MYH10: variants seen among roughly 807,000 people sequenced by gnomAD.
The protein encoded by MYH10 is myosin heavy chain 10, also known as myosin-10.
MYH10 carries 55 observed loss-of-function variants against 257.8 expected under a neutral mutation model. The ratio of observed to expected loss-of-function variants is 0.21; its 90% CI spans 0.17 to 0.27. The LOEUF (loss-of-function observed/expected upper bound fraction) is 0.27, where lower values mean the gene tolerates loss of function less well. MYH10 is among the 10% of genes least tolerant of loss of function. The pLI is 1.00. For synonymous variants in MYH10, 854 were observed against 921.7 expected (o/e 0.93, Z 1.33); for missense variants, 1,631 against 2,500.6 (o/e 0.65, Z 7.42).
rs758714194 is a variant in MYH10 at position 8,520,864 on chromosome 17, A to C, written c.2273+14T>G. On this transcript the variant is annotated intron_variant, in intron 19 of 42. Coordinates refer to ENST00000360416, the MANE Select transcript of MYH10 (RefSeq NM_001256012.3). ...CTCTGATACATAAGCAAAAAAAGTA[A>C]AAGTTAGCAATACCTCTGTCTGAAT... 3.8e-6 allele frequency: 6 copies of C among 1,586,544 alleles called. No homozygotes were observed. In the African/African-American group the frequency reaches 8.2e-5, roughly 22 times the overall value.
Position 8,521,222 on chromosome 17 carries a change from T to A in MYH10, c.2021A>T (p.Tyr674Phe). The change falls in exon 18 of 43, where the codon TAT (tyrosine) becomes TTT (phenylalanine). Residue 674 changes from tyrosine (Y) to phenylalanine (F), a missense_variant. Transcript: ENST00000360416. ...ACGAAACATGCCCTTCTTGGTTTTA[T>A]ATGCGGAGCCAAAAGCTGTCTCAGT... ...GMTETAFGSA[Y>F]KTKKGMFRTV... The A allele has an allele frequency of 6.2e-7, 1 of 1,614,250 alleles. No homozygotes were observed. The highest frequency in any genetic ancestry group is 8.5e-7 in the Non-Finnish European group (1 of 1,180,044).
intron 21 of MYH10, among the ~76,000 whole-genome samples, chr17:8,518,428 C>G (rs1481467914): frequency 2.6e-5 from 4 of 152,142 alleles, no homozygotes; most frequent in Admixed American, 1.3e-4. Context: ...GCCACCACGC[C>G]CAGCCTCCTT....
At chr17:8,507,322 C>T (rs1031015047) in intron 26 of MYH10, among the ~76,000 whole-genome samples, 6 of 152,220 alleles carry the variant, frequency 3.9e-5, no homozygotes, top group Admixed American at 6.5e-5. Flanking sequence ...CTATCATAAA[C>T]GCACACATTA....
At position 8,506,191 on chromosome 17, in the gene MYH10, G is replaced by A; in HGVS notation, c.3386+127C>T. 4 of 954,818 alleles carry A rather than the reference G, an allele frequency of 4.2e-6. No individual in the cohort carries two copies. Among genetic ancestry groups the A allele is most frequent in the East Asian group, 5.6e-5 (2 of 35,542 alleles). The allele number at this position is 954,818 out of a possible 1,614,324, so 59.1% of individuals were successfully genotyped here. A position where few individuals can be genotyped will look rare whatever the true frequency, so the allele number is the denominator to read the frequency against. On this transcript the variant is annotated intron_variant, in intron 27 of 42. Coordinates refer to ENST00000360416, the MANE Select transcript of MYH10 (RefSeq NM_001256012.3). The surrounding 1 kb of genome is among the most constrained non-coding windows in gnomAD (Gnocchi z 5.0). ...ACGCCTGGGCTTTTCACTTTCTCAG[G>A]TCACACCAAACAGCAAGCAAACCCC...
intron 33 of MYH10, 107 bp from the exon 34 acceptor site, chr17:8,492,616 G>A (rs1915949123): frequency 7.9e-7 from 1 of 1,260,770 alleles, no homozygotes; most frequent in South Asian, 1.6e-5. Context: ...CTAGATTATG[G>A]TGTTCTTGTA....
chr17:8,515,340 G>A (rs556499431), intron 21 of MYH10, among the ~76,000 whole-genome samples: 42 of 152,222 alleles, frequency 2.8e-4, no homozygotes, highest in African/African-American at 9.9e-4. Flanking sequence ...AAGACAGACA[G>A]TTGCTGTTTT....
intron 4 of MYH10, among the ~76,000 whole-genome samples, chr17:8,583,675 A>C (rs2083792559): frequency 6.6e-6 from 1 of 152,224 alleles, no homozygotes; most frequent in South Asian, 2.1e-4. Flanking sequence ...TAGCTGCCTT[A>C]AAACTTTTAA....
intron 4 of MYH10, 85 bp from the exon 5 acceptor site, chr17:8,577,423 T>C (rs534912281): frequency 9.6e-5 from 66 of 688,322 alleles, no homozygotes; most frequent in South Asian, 4.3e-4. Context: ...TTAAATTGTA[T>C]TGGAACAATA....
Position 8,475,756 on chromosome 17 carries a change from G to A in MYH10, c.*48C>T, listed in dbSNP as rs375931012. On this transcript the variant is annotated 3_prime_UTR_variant, in exon 43 of 43. Transcript: ENST00000360416. ...CCGAAATCTGCAGGAGGCCCCGGGT[G>A]CATTCCTAACTGTCCCACTGTATTG... The A allele has an allele frequency of 5.7e-6, 9 of 1,583,882 alleles. No individual in the cohort carries two copies. The highest frequency in any genetic ancestry group is 1.7e-4 in the Middle Eastern group (1 of 5,948).
intron 3 of MYH10, among the ~76,000 whole-genome samples, chr17:8,598,063 G>A (rs532523136): frequency 6.6e-6 from 1 of 152,016 alleles, no homozygotes; most frequent in South Asian, 2.1e-4. Flanking sequence ...CTCACTGCAA[G>A]CTCTGCCTCC....
intron 2 of MYH10, among the ~76,000 whole-genome samples, chr17:8,605,773 G>T (rs2084775712): frequency 6.6e-6 from 1 of 151,272 alleles, no homozygotes; most frequent in Non-Finnish European, 1.5e-5. Flanking sequence ...ACAAACAAAA[G>T]AAAAACCACT....
At chr17:8,540,008 G>A (rs1294913856) in intron 14 of MYH10, among the ~76,000 whole-genome samples, 1 of 151,944 alleles carries the variant, frequency 6.6e-6, no homozygotes, top group African/African-American at 2.4e-5. Flanking sequence ...TTTTTGTTTG[G>A]AAACAGGGTC....
At chr17:8,478,201 G>C (rs796546556) in intron 41 of MYH10, 137 bp downstream of exon 41, 13 of 733,982 alleles carry the variant, frequency 1.8e-5, no homozygotes, top group Non-Finnish European at 2.5e-5. Flanking sequence ...TGCCCACCAG[G>C]AACATGGAAC....
In MYH10 at chr17:8,477,160, C is replaced by T. The variant is rs201660007; in HGVS notation, c.5707-112G>A. 34 of 1,238,446 alleles carry T rather than the reference C, an allele frequency of 2.7e-5. No homozygotes were observed. In the Admixed American group the frequency reaches 2.8e-4, roughly 10 times the overall value. 76.7% of individuals were successfully genotyped at this position (1,238,446 alleles called of 1,614,324 possible). A position where few individuals can be genotyped will look rare whatever the true frequency, so the allele number is the denominator to read the frequency against. ...TCTGCCTGTTACCCTTGTGAGCACG[C>T]GTGTACACGGATGTACACGCGTGCC... On this transcript the variant is annotated intron_variant, in intron 41 of 42. Transcript: ENST00000360416. The surrounding 1 kb of genome is among the most constrained non-coding windows in gnomAD (Gnocchi z 4.2).
At chr17:8,486,517 A>C (rs1914803959) in intron 36 of MYH10, among the ~76,000 whole-genome samples, 1 of 147,634 alleles carries the variant, frequency 6.8e-6, no homozygotes, top group African/African-American at 2.5e-5. Context: ...GAAAAAAAAC[A>C]AAAAAAAAAT....
Position 8,490,622 on chromosome 17 carries a change from G to C in MYH10, c.4672-70C>G. On this transcript the variant is annotated intron_variant, in intron 34 of 42. Coordinates refer to ENST00000360416, the MANE Select transcript of MYH10 (RefSeq NM_001256012.3). The surrounding 1 kb of genome is among the most constrained non-coding windows in gnomAD (Gnocchi z 4.1). ...ACATATGAAGAACAGCAGTCTTACT[G>C]TTTTACAGGCCCACTCGTGGCATGC... is the stretch of plus-strand genomic sequence containing the variant. 6.6e-7 allele frequency: 1 copy of C among 1,506,252 alleles called. No homozygotes were observed. The highest frequency in any genetic ancestry group is 1.4e-5 in the African/African-American group (1 of 72,780). 93.3% of individuals were successfully genotyped at this position (1,506,252 alleles called of 1,614,324 possible). A position where few individuals can be genotyped will look rare whatever the true frequency, so the allele number is the denominator to read the frequency against.
In MYH10 at chr17:8,480,165, A is replaced by T; in HGVS notation, c.5542T>A (p.Ser1848Thr). 1 of 1,614,128 alleles carries T rather than the reference A, an allele frequency of 6.2e-7. No homozygotes were observed. Among genetic ancestry groups the T allele is most frequent in the Non-Finnish European group, 8.5e-7 (1 of 1,180,024 alleles). The change falls in exon 40 of 43, where the codon TCA (serine) becomes ACA (threonine). Residue 1848 changes from serine to threonine, a missense_variant. Ser to Thr is a moderately conservative substitution (Grantham distance 58). Coordinates refer to ENST00000360416, the MANE Select transcript of MYH10 (RefSeq NM_001256012.3). The stretch of plus-strand genomic sequence containing the variant: ...TGCCCAATCTTGGCCTCCAGGGCTG[A>T]GATGGTGGCCTTGAACTTAGACTTG... ...AVKSKFKATI[S>T]ALEAKIGQLE... is the part of the protein sequence containing the mutation.
chr17:8,514,112 C>G (rs1200104485), intron 21 of MYH10, among the ~76,000 whole-genome samples: 2 of 152,196 alleles, frequency 1.3e-5, no homozygotes, highest in African/African-American at 2.4e-5. Context: ...CCCCTGGCAC[C>G]AGTTCCTGCA....
In MYH10 at chr17:8,622,953, T is replaced by C. The variant is rs760696372; in HGVS notation, c.294A>G (p.Glu98=). ...EDMAELTCLN[E]ASVLHNLKDR... is the part of the protein sequence containing the mutation. ...CCTTCAGATTATGTAAAACGGAAGCTTCATTCAAGCATGTCAATTCTGCCA... is the reference window on the plus strand; with the variant it reads ...CCTTCAGATTATGTAAAACGGAAGCCTCATTCAAGCATGTCAATTCTGCCA... The change falls in exon 2 of 43, where the codon GAA becomes GAG. Residue 98 remains glutamate, a synonymous_variant. Coordinates refer to ENST00000360416, the MANE Select transcript of MYH10 (RefSeq NM_001256012.3). 3.1e-6 allele frequency: 5 copies of C among 1,614,080 alleles called. No homozygotes were observed. The African/African-American group carries it at 5.3e-5, about 17-fold the overall frequency.
Sources: allele counts gnomAD v4.1 joint callset (sites outside exome capture counted in the v4.1 genomes callset), GRCh38; gene constraint gnomAD v4.1.1; non-coding constraint Gnocchi (gnomAD v3.1); transcripts MANE v1.5; gene names NCBI Gene and HGNC (gene_info 2026-07-23, HGNC 2026-07-21).